The following COX15 variants were observed in gnomAD, a reference collection of about 807,000 sequenced individuals.
COX15 encodes the protein cytochrome c oxidase assembly factor COX15.
Under a neutral mutation model 51.9 loss-of-function variants are expected in COX15, and 51 were observed. The ratio of observed to expected loss-of-function variants is 0.98; its 90% confidence interval spans 0.78 to 1.24. The LOEUF (loss-of-function observed/expected upper bound fraction) is 1.24, where lower values mean the gene tolerates loss of function less well. COX15 is among the 50% of genes most tolerant of loss of function. COX15 has a pLI of 0.00. For missense variants in COX15, 420 were observed against 501.1 expected, an observed-to-expected ratio of 0.84 and a Z score of 1.55; for synonymous variants, 188 against 190.5, an observed-to-expected ratio of 0.99 and a Z score of 0.11.
At chr10:99,723,036 C>T (rs185246655) in intron 5 of COX15, 1 of 152,202 alleles carries the variant, frequency 6.6e-6, no homozygotes, top group African/African-American at 2.4e-5. Context: ...CTACTAGCTC[C>T]AAGTACCTAA....
Position 99,714,170 on chromosome 10 carries a change from T to C in COX15, c.*417A>G. ...TACTTTGGGTATGTCAATCCTATCC[T>C]TTCAATCTTCACCTAATGGAAGTGA... On this transcript the variant is annotated 3_prime_UTR_variant, in exon 9 of 9. Transcript: ENST00000016171. 9.4e-7 allele frequency: 1 copy of C among 1,059,474 alleles called. No homozygotes were observed. Among genetic ancestry groups the C allele is most frequent in the Non-Finnish European group, 1.1e-6 (1 of 874,112 alleles). The allele number at this position is 1,059,474 out of a possible 1,614,324, so 65.6% of individuals were successfully genotyped here.
At position 99,711,636 on chromosome 10, in the gene COX15, T is replaced by C. The variant is rs1031005098; in HGVS notation, c.*2951A>G. On this transcript the variant is annotated 3_prime_UTR_variant, in exon 9 of 9. Transcript: ENST00000016171. ...GAACTTTAAAAATATGCCTTTTACT[T>C]CCTCCAGGGATTGTGACTTAATTGG... 9.1e-6 allele frequency: 9 copies of C among 985,058 alleles called. No homozygotes were observed. In the African/African-American group the frequency reaches 1.6e-4, roughly 17 times the overall value. The allele number at this position is 985,058 out of a possible 1,614,324, so 61.0% of individuals were successfully genotyped here.
At chr10:99,727,257 G>A in intron 3 of COX15, 103 bp from the exon 4 acceptor site, 2 of 1,458,664 alleles carry the variant, frequency 1.4e-6, no homozygotes, top group South Asian at 1.2e-5. Flanking sequence ...CTGCAACTTG[G>A]TAGGTCTGCC....
chr10:99,704,517 A>G, the COX15 span: 1 of 1,614,092 alleles, frequency 6.2e-7, no homozygotes, highest in Non-Finnish European at 8.5e-7. Flanking sequence ...TTTGTATACA[A>G]CCACTATCTC....
chr10:99,716,469 GA>G lies in COX15; in HGVS notation c.988-9del. The G allele has an allele frequency of 6.3e-7, 1 of 1,581,112 alleles. No individual in the cohort carries two copies. Among genetic ancestry groups the G allele is most frequent in the Non-Finnish European group, 8.7e-7 (1 of 1,150,488 alleles). ...AGTGACTGAAGTGATTCCCTGCAGG[GA>G]AGAAAGAGTCTATCACATTAGATAG... On this transcript the variant is annotated splice_polypyrimidine_tract_variant and intron_variant, in intron 7 of 8. Coordinates refer to ENST00000016171, the MANE Select transcript of COX15 (RefSeq NM_078470.6).
intron 5 of COX15, 52 bp downstream of exon 5, chr10:99,723,904 A>G: frequency 3.1e-6 from 5 of 1,597,430 alleles, no homozygotes; most frequent in Admixed American, 1.7e-5. Flanking sequence ...ATATATATCC[A>G]AAAGAACCAA....
rs2036990527 is a variant in COX15, at chr10:99,727,243, A to G, written c.396-89T>C. 3 of 1,509,124 alleles carry G rather than the reference A, an allele frequency of 2.0e-6. No homozygotes were observed. In the African/African-American group the frequency reaches 4.1e-5, roughly 21 times the overall value. 93.5% of individuals were successfully genotyped at this position (1,509,124 alleles called of 1,614,324 possible). On this transcript the variant is annotated intron_variant, in intron 3 of 8. Coordinates refer to ENST00000016171, the MANE Select transcript of COX15 (RefSeq NM_078470.6). Reference sequence around the variant, plus strand: ...ACGGAATGCAAAACCTTTCTTTCTCAGTCCTGCAACTTGGTAGGTCTGCCC... The same window carrying G: ...ACGGAATGCAAAACCTTTCTTTCTCGGTCCTGCAACTTGGTAGGTCTGCCC...
Position 99,731,940 on chromosome 10 carries a change from A to G in COX15, c.90+20T>C, listed in dbSNP as rs1446739056. 5.0e-6 allele frequency: 8 copies of G among 1,600,658 alleles called. No homozygotes were observed. The highest frequency in any genetic ancestry group is 4.0e-5 in the African/African-American group (3 of 74,658). ...CTCCATCCCCGCTCCCGCGACTCGG[A>G]GTCCGCTGCAGTGCGGTACCTGTGC... On this transcript the variant is annotated intron_variant, in intron 1 of 8. Transcript: ENST00000016171.
rs940872026 is a variant in COX15, at chr10:99,723,527, C to T, written c.750+429G>A. Among the ~76,000 whole-genome samples, 5 of 152,028 alleles carry T rather than the reference C, an allele frequency of 3.3e-5. No individual in the cohort carries two copies. In the South Asian group the frequency reaches 1.0e-3, roughly 32 times the overall value. On this transcript the variant is annotated intron_variant, in intron 5 of 8. Transcript: ENST00000016171. ...GAACCTCTATTATTAATGAAGGCCT[C>T]AAAAAAATGTTATACCTTGCTTTTA...
At position 99,729,832 on chromosome 10, in the gene COX15, C is replaced by T. The variant is rs1034183801; in HGVS notation, c.91-98G>A. The T allele has an allele frequency of 2.1e-5, 24 of 1,144,398 alleles. No homozygotes were observed. The African/African-American group carries it at 3.4e-4, about 16-fold the overall frequency. The allele number at this position is 1,144,398 out of a possible 1,614,324, so 70.9% of individuals were successfully genotyped here. On this transcript the variant is annotated intron_variant, in intron 1 of 8. Coordinates refer to ENST00000016171, the MANE Select transcript of COX15 (RefSeq NM_078470.6). ...GATTAGCGCGAAGTACCATAGCATCCCCACAGCCATGTCTTGTTAAGTCAT... is the reference window on the plus strand; with the variant it reads ...GATTAGCGCGAAGTACCATAGCATCTCCACAGCCATGTCTTGTTAAGTCAT...
At chr10:99,714,758 C>T in intron 8 of COX15, 40 bp from the exon 9 acceptor site, 3 of 1,609,772 alleles carry the variant, frequency 1.9e-6, no homozygotes, top group South Asian at 1.1e-5. Context: ...AGGCAGTAAC[C>T]CAAAGTTCAC....
chr10:99,729,725 T>C lies in COX15; in HGVS notation c.100A>G (p.Ile34Val). ...TGCCCTGGCCTCAAAGGGCGCCTGA[T>C]GCAATCACACTAAAGATCAAGATAG... The part of the protein sequence containing the change: ...RAAPRAQCDC[I>V]RRPLRPGQYS... Residue 34 changes from isoleucine to valine, a missense_variant, in exon 2 of 9, where the codon ATC becomes GTC. Coordinates refer to ENST00000016171, the MANE Select transcript of COX15 (RefSeq NM_078470.6). The C allele has an allele frequency of 3.1e-6, 5 of 1,614,122 alleles. No individual in the cohort carries two copies. Among genetic ancestry groups the C allele is most frequent in the Non-Finnish European group, 4.2e-6 (5 of 1,180,038 alleles).
the COX15 span, among the ~76,000 whole-genome samples, chr10:99,701,875 C>T: frequency 6.6e-6 from 1 of 151,824 alleles, no homozygotes; most frequent in African/African-American, 2.4e-5. Flanking sequence ...TGGCGAAACC[C>T]TGTCTCCACT....
chr10:99,727,454 G>A lies in COX15; in HGVS notation c.382C>T (p.Pro128Ser), dbSNP rs2036996680. The change falls in exon 3 of 9, where the codon CCA becomes TCA. Residue 128 changes from proline to serine, a missense_variant. Transcript: ENST00000016171. ...TCTAATACTTACATTTTAAATTCTG[G>A]AAATTGCTGGTATCTTTGGAATTCT... Reference protein sequence around the residue: ...EAEFQRYQQFPEFKILNHDMT... With the variant: ...EAEFQRYQQFSEFKILNHDMT... 1.2e-6 allele frequency: 2 copies of A among 1,613,578 alleles called. No individual in the cohort carries two copies. The highest frequency in any genetic ancestry group is 1.7e-6 in the Non-Finnish European group (2 of 1,180,018).
chr10:99,702,477 T>C, the COX15 span: 5 of 1,501,554 alleles, frequency 3.3e-6, no homozygotes, highest in South Asian at 1.3e-5. Flanking sequence ...AATTCTTTTC[T>C]CTTTTTTTAA....
At chr10:99,724,206 C>CA (rs2036872405) in intron 4 of COX15, 83 bp from the exon 5 acceptor site, 19 of 1,501,088 alleles carry the variant, frequency 1.3e-5, no homozygotes, top group Non-Finnish European at 1.7e-5. Flanking sequence ...TTTTTTGAGA[C>CA]AGAGTCTCAC....
chr10:99,720,162 C>T (rs183421226), intron 6 of COX15, among the ~76,000 whole-genome samples: 1 of 152,104 alleles, frequency 6.6e-6, no homozygotes, highest in African/African-American at 2.4e-5. Context: ...AGAATGAAAA[C>T]GGCCAGGCAT....
intron 4 of COX15, 61 bp downstream of exon 4, chr10:99,726,904 AAAC>A: frequency 4.7e-6 from 7 of 1,496,222 alleles, no homozygotes; most frequent in East Asian, 2.3e-5. Context: ...AAAAAAAAAA[AAAC>A]AATGCCAACT....
At chr10:99,695,454 G>A in the COX15 span, among the ~76,000 whole-genome samples, 7 of 152,060 alleles carry the variant, frequency 4.6e-5, no homozygotes, top group East Asian at 5.8e-4. Flanking sequence ...CCCGGGAGGC[G>A]GAGGTTGCAG....
Sources: allele counts gnomAD v4.1 joint callset (sites outside exome capture counted in the v4.1 genomes callset), GRCh38; gene constraint gnomAD v4.1.1; transcripts MANE v1.5; gene names NCBI Gene and HGNC (gene_info 2026-07-23, HGNC 2026-07-21).